ACACB: variants seen among roughly 807,000 people sequenced by gnomAD.
The protein encoded by ACACB is acetyl-CoA carboxylase 2.
In ACACB, 209 loss-of-function variants were observed where a neutral mutation model predicts 278.8. The observed-to-expected ratio is 0.75, with a 90% CI of 0.67 to 0.84. ACACB has a LOEUF of 0.84. ACACB is among the 40% of genes least tolerant of loss of function. The pLI is 0.00. For missense variants in ACACB, 2,850 were observed against 3,269.0 expected (o/e 0.87, Z 3.13); for synonymous variants, 1,174 against 1,285.6 (o/e 0.91, Z 1.86).
intron 12 of ACACB, among the ~76,000 whole-genome samples, chr12:109,186,493 C>G (rs1186921221): frequency 5.9e-5 from 9 of 152,116 alleles, no homozygotes; most frequent in Admixed American, 5.9e-4. Context: ...CTTTTTGCTA[C>G]AGTATGAAGT....
chr12:109,232,614 G>C, intron 28 of ACACB, 55 bp from the exon 29 acceptor site: 1 of 1,589,044 alleles, frequency 6.3e-7, no homozygotes, highest in Admixed American at 1.7e-5. Flanking sequence ...GGAGCAGCTC[G>C]TAGAGTTGGG....
intron 21 of ACACB, among the ~76,000 whole-genome samples, chr12:109,210,441 A>G (rs534514173): frequency 2.5e-5 from 3 of 120,778 alleles, no homozygotes; most frequent in South Asian, 2.6e-4. Flanking sequence ...ACACGCACAT[A>G]CATGTGTATA....
chr12:109,206,298 G>A (rs1280126359), intron 19 of ACACB, among the ~76,000 whole-genome samples: 2 of 151,964 alleles, frequency 1.3e-5, no homozygotes, highest in Admixed American at 6.6e-5. Flanking sequence ...GCTGGGCGTG[G>A]TGGCCTGCGC....
chr12:109,131,960 G>C (rs1316906629), intron 1 of ACACB, among the ~76,000 whole-genome samples: 1 of 152,136 alleles, frequency 6.6e-6, no homozygotes, highest in African/African-American at 2.4e-5. Flanking sequence ...GTGTCTTAAA[G>C]GTACACAGCC....
At chr12:109,183,156 C>T (rs1210362534) in intron 11 of ACACB, among the ~76,000 whole-genome samples, 2 of 152,154 alleles carry the variant, frequency 1.3e-5, no homozygotes, top group Non-Finnish European at 2.9e-5. Flanking sequence ...GTTTTTATGT[C>T]AGTACCACCC....
At chr12:109,236,791 C>T (rs1381929719) in intron 33 of ACACB, among the ~76,000 whole-genome samples, 1 of 151,168 alleles carries the variant, frequency 6.6e-6, no homozygotes, top group Admixed American at 6.6e-5. Flanking sequence ...GCTTTCTTTT[C>T]GGGGACCAAT....
intron 15 of ACACB, 86 bp downstream of exon 15, chr12:109,192,036 C>T: frequency 7.2e-7 from 1 of 1,385,760 alleles, no homozygotes; most frequent in Non-Finnish European, 1.0e-6. Context: ...TTTGTGTGGC[C>T]AGTTAGTCAC....
chr12:109,260,060 T>G lies in ACACB; in HGVS notation c.6497-420T>G, dbSNP rs372863964. ...TGTTATTATTGCATTCTTGTTTTCA[T>G]GTAGGGTGCCTGGGGACCTGGAGAG... is the stretch of plus-strand genomic sequence containing the variant. On this transcript the variant is annotated intron_variant, in intron 47 of 52. Coordinates refer to ENST00000338432, the MANE Select transcript of ACACB (RefSeq NM_001093.4). The G allele has an allele frequency of 3.9e-5, 53 of 1,355,948 alleles. No individual in the cohort carries two copies. In the African/African-American group the frequency reaches 6.6e-4, roughly 17 times the overall value. 84.0% of individuals were successfully genotyped at this position (1,355,948 alleles called of 1,614,324 possible). A position where few individuals can be genotyped will look rare whatever the true frequency, so the allele number is the denominator to read the frequency against.
At chr12:109,215,868 C>T (rs2045980334) in intron 22 of ACACB, among the ~76,000 whole-genome samples, 1 of 152,080 alleles carries the variant, frequency 6.6e-6, no homozygotes, top group Non-Finnish European at 1.5e-5. Flanking sequence ...GCAATCATAG[C>T]TCACAACAGC....
chr12:109,235,534 TAA>T (rs1193504376), intron 32 of ACACB, 70 bp from the exon 33 acceptor site: 2 of 1,471,302 alleles, frequency 1.4e-6, no homozygotes, highest in Non-Finnish European at 1.9e-6. Flanking sequence ...TTACAATCAC[TAA>T]ATAAGGATGT....
chr12:109,206,287 A>G (rs931753087), intron 19 of ACACB, among the ~76,000 whole-genome samples: 13 of 152,066 alleles, frequency 8.5e-5, no homozygotes, highest in Non-Finnish European at 2.9e-5. Context: ...TACAAAAATT[A>G]GCTGGGCGTG....
chr12:109,116,359 T>C (rs1028399385), upstream of ACACB, among the ~76,000 whole-genome samples: 4 of 152,220 alleles, frequency 2.6e-5, no homozygotes, highest in Non-Finnish European at 5.9e-5. Flanking sequence ...ACATGGACTT[T>C]AGATGCCTCA....
chr12:109,222,370 A>G lies in ACACB; in HGVS notation c.3565-137A>G, dbSNP rs2046194489. The G allele has an allele frequency of 7.0e-6, 5 of 710,938 alleles. No individual in the cohort carries two copies. In the East Asian group the frequency reaches 1.3e-4, roughly 18 times the overall value. The allele number at this position is 710,938 out of a possible 1,614,324, so 44.0% of individuals were successfully genotyped here. On this transcript the variant is annotated intron_variant, in intron 24 of 52. Transcript: ENST00000338432. ...GTAGAAAGTGGTGAGGGTTTGCATA[A>G]CAGGCTGTGCTGGGCCTGTTTGGAG...
chr12:109,130,931 T>C (rs1283930603), intron 1 of ACACB, among the ~76,000 whole-genome samples: 3 of 152,210 alleles, frequency 2.0e-5, no homozygotes, highest in African/African-American at 7.2e-5. Context: ...GACAGGCGTC[T>C]GACAGATGAA....
intron 48 of ACACB, among the ~76,000 whole-genome samples, chr12:109,261,761 C>T (rs1166785482): frequency 6.6e-6 from 1 of 151,206 alleles, no homozygotes; most frequent in African/African-American, 2.4e-5. Flanking sequence ...ATCCAAGCTG[C>T]TCGGGGGGCT....
rs542879242 is a variant in ACACB, at chr12:109,203,285, A to T, written c.2913+1584A>T. On this transcript the variant is annotated intron_variant, in intron 19 of 52. Coordinates refer to ENST00000338432, the MANE Select transcript of ACACB (RefSeq NM_001093.4). ...ACTGATGGACACTTGGATTGTTTCTACCTGTTGGCTACTGTGAATAAGGCA... is the reference window on the plus strand; with the variant it reads ...ACTGATGGACACTTGGATTGTTTCTTCCTGTTGGCTACTGTGAATAAGGCA... 1.2e-3 allele frequency among the ~76,000 whole-genome samples: 184 copies of T among 152,258 alleles called. 1 individual carries two copies. The highest frequency in any genetic ancestry group is 1.5e-3 in the Non-Finnish European group (104 of 68,018).
At chr12:109,148,358 G>T (rs1247614845) in intron 2 of ACACB, among the ~76,000 whole-genome samples, 1 of 152,172 alleles carries the variant, frequency 6.6e-6, no homozygotes, top group Non-Finnish European at 1.5e-5. Flanking sequence ...CCTATGATGA[G>T]ACACTCAGGT....
chr12:109,259,217 G>T (rs1410020129), intron 47 of ACACB, 109 bp downstream of exon 47: 2 of 1,350,822 alleles, frequency 1.5e-6, no homozygotes, highest in Non-Finnish European at 2.0e-6. Context: ...CATCATCTTA[G>T]CTGTGTCTCC....
intron 12 of ACACB, among the ~76,000 whole-genome samples, chr12:109,187,056 G>A (rs1382960563): frequency 6.6e-6 from 1 of 150,520 alleles, no homozygotes; most frequent in Non-Finnish European, 1.5e-5. Flanking sequence ...ATGGGGTGAG[G>A]AAAAGGGGGA....
Sources: allele counts gnomAD v4.1 joint callset (sites outside exome capture counted in the v4.1 genomes callset), GRCh38; gene constraint gnomAD v4.1.1; transcripts MANE v1.5; gene names NCBI Gene and HGNC (gene_info 2026-07-23, HGNC 2026-07-21).